Variants in PGBD1 observed in about 807,000 individuals in gnomAD.
PGBD1 encodes piggyBac transposable element derived 1, also known as piggyBac transposable element-derived protein 1.
Under a neutral mutation model 34.7 loss-of-function variants are expected in PGBD1, and 25 were observed. The observed-to-expected ratio is 0.72, with a 90% CI of 0.52 to 1.00. The LOEUF (loss-of-function observed/expected upper bound fraction) is 1.00. Ranked by LOEUF, PGBD1 falls within the 50% of genes least tolerant of loss-of-function variation. PGBD1 has a pLI of 0.00. For missense variants in PGBD1, 830 were observed against 959.4 expected, an observed-to-expected ratio of 0.87 and a Z score of 1.78; for synonymous variants, 292 against 335.7, an observed-to-expected ratio of 0.87 and a Z score of 1.42.
intron 4 of PGBD1, among the ~76,000 whole-genome samples, chr6:28,289,559 A>G (rs1407660713): frequency 6.6e-6 from 1 of 152,244 alleles, no homozygotes; most frequent in East Asian, 1.9e-4. Flanking sequence ...TGTAATAGTG[A>G]CATACAGTAT....
Position 28,281,589 on chromosome 6 carries a change from G to A in PGBD1, c.-368G>A. 5.2e-6 allele frequency: 2 copies of A among 387,834 alleles called. No homozygotes were observed. Among genetic ancestry groups the A allele is most frequent in the Non-Finnish European group, 4.5e-6 (1 of 219,854 alleles). The allele number at this position is 387,834 out of a possible 1,614,324, so 24.0% of individuals were successfully genotyped here. A position where few individuals can be genotyped will look rare whatever the true frequency, so the allele number is the denominator to read the frequency against. On this transcript the variant is annotated 5_prime_UTR_variant, in exon 1 of 7. Transcript: ENST00000682144. ...AAGCTTTTGTACCCGCCCAGCTGCT[G>A]GAGGCGCCGGCAGCGCCCGCCAGAC...
chr6:28,294,823 T>C (rs1762578695), intron 4 of PGBD1, among the ~76,000 whole-genome samples: 1 of 152,200 alleles, frequency 6.6e-6, no homozygotes, highest in African/African-American at 2.4e-5. Context: ...ACAAGGAAAT[T>C]AATGTTTTCA....
In PGBD1 at chr6:28,302,143, G is replaced by A; in HGVS notation, c.2289G>A (p.Val763=). Residue 763 remains valine (V), a synonymous_variant, in exon 7 of 7, where the codon GTG becomes GTA. Coordinates refer to ENST00000682144, the MANE Select transcript of PGBD1 (RefSeq NM_032507.4). ...IRSKKWYSIL[V]SYMIDVAMNN... ...GCAAGAAATGGTACTCAATTTTGGT[G>A]AGCTACATGATTGATGTAGCCATGA... 2 of 1,614,146 alleles carry A rather than the reference G, an allele frequency of 1.2e-6. No individual in the cohort carries two copies. Among genetic ancestry groups the A allele is most frequent in the Non-Finnish European group, 1.7e-6 (2 of 1,180,020 alleles).
chr6:28,301,865 A>G lies in PGBD1; in HGVS notation c.2011A>G (p.Arg671Gly), dbSNP rs1417295005. ...TGTAGAACATATGAAAAAAATGAAG[A>G]GAGGGTATTTTGATTTCCGAATAGA... ...MNVEHMKKMK[R>G]GYFDFRIEEN... Residue 671 changes from arginine (R) to glycine (G), a missense_variant, in exon 7 of 7, where the codon AGA becomes GGA. By Grantham distance (125) the Arg-to-Gly change is moderately radical. Around this residue, in one of 3 missense-constraint regions of PGBD1, gnomAD observed 372 missense variants for 427.9 expected, o/e 0.87. Transcript: ENST00000682144. The G allele has an allele frequency of 6.2e-7, 1 of 1,614,150 alleles. No individual in the cohort carries two copies. The highest frequency in any genetic ancestry group is 1.1e-5 in the South Asian group (1 of 91,076).
chr6:28,285,626 A>G lies in PGBD1; in HGVS notation c.472A>G (p.Ser158Gly). 11 of 1,614,192 alleles carry G rather than the reference A, an allele frequency of 6.8e-6. No homozygotes were observed. The highest frequency in any genetic ancestry group is 1.3e-5 in the African/African-American group (1 of 75,058). The change falls in exon 3 of 7, where the codon AGC becomes GGC. Residue 158 changes from serine (S) to glycine (G), a missense_variant. Physicochemically the swap from Ser to Gly is moderately conservative, Grantham distance 56. Coordinates refer to ENST00000682144, the MANE Select transcript of PGBD1 (RefSeq NM_032507.4). ...TCAAGGAGTCTCTTTGGAGTGTCAG[A>G]GCCTCCAGCTCCTGCCTGGGATAAC... ...EYQGVSLECQ[S>G]LQLLPGITTL... is the part of the protein sequence containing the mutation.
intron 4 of PGBD1, among the ~76,000 whole-genome samples, chr6:28,296,473 ACT>A (rs1027138611): frequency 1.3e-5 from 2 of 151,814 alleles, no homozygotes; most frequent in Non-Finnish European, 2.9e-5. Context: ...TCCTATAAAA[ACT>A]CTTCAGGTTT....
Position 28,301,044 on chromosome 6 carries a change from C to T in PGBD1, c.1190C>T (p.Pro397Leu). The T allele has an allele frequency of 5.0e-6, 8 of 1,614,058 alleles. No homozygotes were observed. Among genetic ancestry groups the T allele is most frequent in the Non-Finnish European group, 6.8e-6 (8 of 1,180,016 alleles). ...EKSWTKRDIK[P>L]NFPSWSALDS... is the part of the protein sequence containing the mutation. ...AGTTGGACCAAAAGAGACATTAAAC[C>T]CAATTTTCCAAGCTGGTCAGCACTG... The change falls in exon 7 of 7, where the codon CCC becomes CTC. Residue 397 changes from proline (P) to leucine (L), a missense_variant. Coordinates refer to ENST00000682144, the MANE Select transcript of PGBD1 (RefSeq NM_032507.4).
Position 28,301,745 on chromosome 6 carries a change from A to G in PGBD1, c.1891A>G (p.Thr631Ala). The change falls in exon 7 of 7, where the codon ACA becomes GCA. Residue 631 changes from threonine (T) to alanine (A), a missense_variant. This residue lies in a region of PGBD1 where 372 missense variants were observed against 427.9 expected (regional missense o/e 0.87). Transcript: ENST00000682144. The stretch of plus-strand genomic sequence containing the variant: ...TCACCTGTGTTTTGATAGCTTCTTT[A>G]CAAGTGTCAAATTGTTGTCAGCCTT... ...PYHLCFDSFF[T>A]SVKLLSALKK... 6.2e-7 allele frequency: 1 copy of G among 1,614,186 alleles called. No individual in the cohort carries two copies. Among genetic ancestry groups the G allele is most frequent in the Non-Finnish European group, 8.5e-7 (1 of 1,180,022 alleles).
intron 4 of PGBD1, among the ~76,000 whole-genome samples, chr6:28,296,368 A>G (rs538447483): frequency 5.9e-5 from 9 of 152,196 alleles, no homozygotes; most frequent in African/African-American, 9.7e-5. Flanking sequence ...AGTGTGTAGA[A>G]CAATCCAAGT....
In PGBD1 at chr6:28,284,048, A is replaced by G. The variant is rs1762208892; in HGVS notation, c.235A>G (p.Thr79Ala). The change falls in exon 2 of 7, where the codon ACC (threonine) becomes GCC (alanine). Residue 79 changes from threonine to alanine, a missense_variant. Physicochemically the swap from Thr to Ala is moderately conservative, Grantham distance 58 (BLOSUM62 0). This residue lies in a region of PGBD1 where 457 missense variants were observed against 515.4 expected (regional missense o/e 0.89). Transcript: ENST00000682144. ...TCAATGGCTGAGACCGGAGATGCAC[A>G]CCAAGGAACAGATAATGGAACTGCT... ...CHQWLRPEMH[T>A]KEQIMELLVL... 1 of 1,614,178 alleles carries G rather than the reference A, an allele frequency of 6.2e-7. No individual in the cohort carries two copies. The highest frequency in any genetic ancestry group is 8.5e-7 in the Non-Finnish European group (1 of 1,180,028).
chr6:28,287,059 T>C, intron 3 of PGBD1, 21 bp from the exon 4 acceptor site: 2 of 1,595,508 alleles, frequency 1.3e-6, no homozygotes, highest in Non-Finnish European at 1.7e-6. Context: ...CATTTAGGAC[T>C]CTTGCCCTCT....
chr6:28,292,699 C>A (rs998143969), intron 4 of PGBD1, among the ~76,000 whole-genome samples: 2 of 151,814 alleles, frequency 1.3e-5, no homozygotes, highest in Non-Finnish European at 2.9e-5. Context: ...TGTGGTGAGC[C>A]CTTAATCTAA....
Position 28,282,314 on chromosome 6 carries a change from C to T in PGBD1, c.-39+396C>T, listed in dbSNP as rs567589895. Among the ~76,000 whole-genome samples the T allele has an allele frequency of 7.9e-5, 12 of 152,178 alleles. No individual in the cohort carries two copies. The South Asian group carries it at 2.5e-3, about 32-fold the overall frequency. On this transcript the variant is annotated intron_variant, in intron 1 of 6. Coordinates refer to ENST00000682144, the MANE Select transcript of PGBD1 (RefSeq NM_032507.4). ...TTTATGCCTGGAAAATAATGAGATG[C>T]TCCACAAATGTTGATTGAGTGACAA...
At position 28,301,327 on chromosome 6, in the gene PGBD1, T is replaced by G; in HGVS notation, c.1473T>G (p.Asp491Glu). The stretch of plus-strand genomic sequence containing the variant: ...ACACCGATCAGAACCTGGTTAGAGA[T>G]GCAATCAGAAGGGACAGATTTGAAT... ...VSDTDQNLVR[D>E]AIRRDRFELI... is the part of the protein sequence containing the mutation. The change falls in exon 7 of 7, where the codon GAT becomes GAG. Residue 491 changes from aspartate (D) to glutamate (E), a missense_variant. By Grantham distance (45) the Asp-to-Glu change is conservative. Transcript: ENST00000682144. 1 of 1,614,162 alleles carries G rather than the reference T, an allele frequency of 6.2e-7. No homozygotes were observed. The highest frequency in any genetic ancestry group is 2.2e-5 in the East Asian group (1 of 44,864).
chr6:28,297,247 T>A (rs1478444554), intron 5 of PGBD1, among the ~76,000 whole-genome samples: 3 of 152,350 alleles, frequency 2.0e-5, no homozygotes, highest in East Asian at 3.9e-4. Context: ...TGTCAAGGAT[T>A]CCATATAACT....
intron 4 of PGBD1, among the ~76,000 whole-genome samples, chr6:28,288,869 TG>T (rs1762365664): frequency 6.6e-6 from 1 of 151,960 alleles, no homozygotes; most frequent in Admixed American, 6.6e-5. Context: ...GCACCTGCAA[TG>T]CCAGCTACTC....
chr6:28,302,306 G>T lies in PGBD1; in HGVS notation c.*22G>T, dbSNP rs1253180003. ...TTAGGGTACATAAAATGGACATAGT[G>T]CAGACATTAATAAGACATAGAAAAA... is the stretch of plus-strand genomic sequence containing the variant. On this transcript the variant is annotated 3_prime_UTR_variant, in exon 7 of 7. Transcript: ENST00000682144. 10 of 1,587,066 alleles carry T rather than the reference G, an allele frequency of 6.3e-6. No homozygotes were observed. The Admixed American group carries it at 1.8e-4, about 28-fold the overall frequency.
intron 4 of PGBD1, among the ~76,000 whole-genome samples, chr6:28,293,968 G>A (rs1032980766): frequency 6.6e-6 from 1 of 152,228 alleles, no homozygotes; most frequent in Non-Finnish European, 1.5e-5. Flanking sequence ...AGTATAGTAA[G>A]GAAGGCATGT....
At chr6:28,296,742 A>T in intron 4 of PGBD1, 74 bp from the exon 5 acceptor site, 6 of 1,559,326 alleles carry the variant, frequency 3.8e-6, no homozygotes, top group Non-Finnish European at 4.4e-6. Context: ...ACAGCGTGGT[A>T]TTCAACACCC....
Sources: gnomAD v4.1 joint callset for allele counts (sites outside exome capture counted in the v4.1 genomes callset) on GRCh38, gnomAD v4.1.1 for gene constraint, gnomAD v4.1.1 regional missense constraint, MANE v1.5 for transcripts, NCBI Gene and HGNC (gene_info 2026-07-23, HGNC 2026-07-21) for gene names.